Variants in SORL1 observed in about 807,000 individuals in gnomAD.
SORL1 encodes the protein sortilin related receptor 1, also known as sortilin-related receptor.
A neutral mutation model predicts 273.7 loss-of-function variants in SORL1; 127 were observed. The ratio of observed to expected loss-of-function variants is 0.46; its 90% confidence interval spans 0.40 to 0.54. SORL1 has a LOEUF of 0.54. SORL1 is among the 20% of genes least tolerant of loss of function. The probability of loss-of-function intolerance (pLI) is 0.00; values close to 1 mark genes in which losing one functional copy is unlikely to be tolerated. For missense variants in SORL1, 2,494 were observed against 2,846.1 expected, an observed-to-expected ratio of 0.88 and a Z score of 2.81; for synonymous variants, 1,031 against 1,067.4, an observed-to-expected ratio of 0.97 and a Z score of 0.66.
chr11:121,623,190 T>C (rs886486266), intron 45 of SORL1, among the ~76,000 whole-genome samples: 2 of 152,212 alleles, frequency 1.3e-5, no homozygotes, highest in Non-Finnish European at 2.9e-5. Flanking sequence ...CCAGCAGCAG[T>C]AAGCAAAAGG....
chr11:121,612,544 A>T, intron 39 of SORL1, 192 bp from the exon 40 acceptor site: 4 of 469,006 alleles, frequency 8.5e-6, no homozygotes, highest in Non-Finnish European at 1.6e-5. Context: ...AAGTAGGTGG[A>T]GTACAACTAA....
intron 44 of SORL1, 23 bp from the exon 45 acceptor site, chr11:121,622,139 C>A: frequency 7.7e-7 from 1 of 1,296,976 alleles, no homozygotes; most frequent in Non-Finnish European, 1.1e-6. Context: ...CTAACCGCAT[C>A]CCATCTCATC....
intron 1 of SORL1, among the ~76,000 whole-genome samples, chr11:121,468,240 G>C (rs754698601): frequency 1.3e-5 from 2 of 152,114 alleles, no homozygotes; most frequent in African/African-American, 4.8e-5. Flanking sequence ...AGGCTTACTC[G>C]TGGGTGGGGT....
rs1350597098 is a variant in SORL1 at position 121,591,169 on chromosome 11, C to T, written c.4369+13C>T. 20 of 1,613,834 alleles carry T rather than the reference C, an allele frequency of 1.2e-5. No individual in the cohort carries two copies. Among genetic ancestry groups the T allele is most frequent in the Admixed American group, 1.7e-5 (1 of 60,006 alleles). On this transcript the variant is annotated intron_variant, in intron 31 of 47. Coordinates refer to ENST00000260197, the MANE Select transcript of SORL1 (RefSeq NM_003105.6). ...TGCCCCTTGCTTGGTGAGTTCTGGCCCAGGTCCTCTCCTGTGGTACCTGCT... is the reference window on the plus strand; with the variant it reads ...TGCCCCTTGCTTGGTGAGTTCTGGCTCAGGTCCTCTCCTGTGGTACCTGCT...
chr11:121,537,577 T>C (rs1488523055), intron 12 of SORL1, among the ~76,000 whole-genome samples: 3 of 152,188 alleles, frequency 2.0e-5, no homozygotes, highest in Non-Finnish European at 1.5e-5. Flanking sequence ...CCAGCAGGAA[T>C]CTGGACATAT....
chr11:121,575,998 TC>T (rs1376557609), intron 24 of SORL1, among the ~76,000 whole-genome samples: 3 of 152,140 alleles, frequency 2.0e-5, no homozygotes, highest in Non-Finnish European at 1.5e-5. Flanking sequence ...TCCACACTCT[TC>T]CTCAAAAATA....
intron 25 of SORL1, among the ~76,000 whole-genome samples, chr11:121,582,491 T>G (rs1284385470): frequency 6.6e-6 from 1 of 152,282 alleles, no homozygotes; most frequent in African/African-American, 2.4e-5. Flanking sequence ...AACAGCTTTC[T>G]GTTTCAGAGG....
chr11:121,583,610 C>T, intron 26 of SORL1, 27 bp downstream of exon 26: 2 of 1,584,790 alleles, frequency 1.3e-6, no homozygotes, highest in Non-Finnish European at 1.7e-6. Context: ...CAGCTCCCTC[C>T]CTGAGCCTCC....
In SORL1 at chr11:121,607,230, G is replaced by A; in HGVS notation, c.5106G>A (p.Arg1702=). ...RSGSKMWASQ[R]AASNFTEIKN... ...GTTCCAAGATGTGGGCCTCCCAGAG[G>A]GCTGCTAGTAACTTTACAGAAATCA... The change falls in exon 37 of 48, where the codon AGG becomes AGA. Residue 1702 remains arginine, a synonymous_variant. Coordinates refer to ENST00000260197, the MANE Select transcript of SORL1 (RefSeq NM_003105.6). 1 of 1,612,894 alleles carries A rather than the reference G, an allele frequency of 6.2e-7. No homozygotes were observed. Among genetic ancestry groups the A allele is most frequent in the East Asian group, 2.2e-5 (1 of 44,870 alleles).
At chr11:121,543,140 G>A (rs992943532) in intron 12 of SORL1, among the ~76,000 whole-genome samples, 44 of 150,276 alleles carry the variant, frequency 2.9e-4, no homozygotes, top group African/African-American at 1.0e-3. Flanking sequence ...GTAGTGAGCC[G>A]AGATCATGCC....
At chr11:121,565,537 A>C in intron 21 of SORL1, among the ~76,000 whole-genome samples, 1 of 152,210 alleles carries the variant, frequency 6.6e-6, no homozygotes, top group Non-Finnish European at 1.5e-5. Context: ...GCAACAGATG[A>C]TTTGGATATG....
intron 1 of SORL1, among the ~76,000 whole-genome samples, chr11:121,453,433 C>T (rs1860845154): frequency 6.6e-6 from 1 of 152,162 alleles, no homozygotes; most frequent in Non-Finnish European, 1.5e-5. Context: ...AGGTTAGGAT[C>T]AGCACTGGCA....
intron 19 of SORL1, among the ~76,000 whole-genome samples, 181 bp from the exon 20 acceptor site, chr11:121,558,410 A>G (rs1485794458): frequency 6.6e-6 from 1 of 152,182 alleles, no homozygotes; most frequent in Non-Finnish European, 1.5e-5. Context: ...ATTCTAGTAA[A>G]GGAATTTCCA....
chr11:121,495,481 A>C (rs1364320183), intron 5 of SORL1, among the ~76,000 whole-genome samples: 1 of 152,142 alleles, frequency 6.6e-6, no homozygotes, highest in African/African-American at 2.4e-5. Flanking sequence ...CTCTGAAGGA[A>C]TTTGACACGA....
intron 8 of SORL1, among the ~76,000 whole-genome samples, chr11:121,519,642 T>C (rs552870779): frequency 1.3e-5 from 2 of 152,314 alleles, no homozygotes; most frequent in East Asian, 3.9e-4. Flanking sequence ...TGGGCTTCTA[T>C]CTGATCAGGG....
intron 2 of SORL1, among the ~76,000 whole-genome samples, chr11:121,473,807 A>G (rs1369205976): frequency 6.6e-6 from 1 of 152,230 alleles, no homozygotes; most frequent in Non-Finnish European, 1.5e-5. Context: ...AGGCAGGAGA[A>G]TCACTTGAAT....
In SORL1 at chr11:121,591,148, C is replaced by G; in HGVS notation, c.4361C>G (p.Pro1454Arg). 1 of 1,614,084 alleles carries G rather than the reference C, an allele frequency of 6.2e-7. No individual in the cohort carries two copies. The highest frequency in any genetic ancestry group is 2.2e-5 in the East Asian group (1 of 44,876). The change falls in exon 31 of 48, where the codon CCC becomes CGC. Residue 1454 changes from proline to arginine, a missense_variant. Coordinates refer to ENST00000260197, the MANE Select transcript of SORL1 (RefSeq NM_003105.6). ...GATGGCTCTGACGAGGAAGCCTGCC[C>G]CTTGCTTGGTGAGTTCTGGCCCAGG... ...CADGSDEEACPLLANVTAAST... is the reference protein window; with the variant it reads ...CADGSDEEACRLLANVTAAST...
Position 121,625,733 on chromosome 11 carries a change from A to G in SORL1, c.6364+456A>G, listed in dbSNP as rs577599574. 1.4e-4 allele frequency among the ~76,000 whole-genome samples: 22 copies of G among 152,206 alleles called. No individual in the cohort carries two copies. The South Asian group carries it at 4.6e-3, about 32-fold the overall frequency. ...CCGGCTTCATCTTAGCTCTCAGCAT[A>G]AGCTTAGGACTGGAATTTGTCCTGG... On this transcript the variant is annotated intron_variant, in intron 46 of 47. Coordinates refer to ENST00000260197, the MANE Select transcript of SORL1 (RefSeq NM_003105.6).
rs149445303 is a variant in SORL1 at position 121,618,796 on chromosome 11, C to T, written c.5627C>T (p.Thr1876Met). 38 of 1,614,028 alleles carry T rather than the reference C, an allele frequency of 2.4e-5. No individual in the cohort carries two copies. The highest frequency in any genetic ancestry group is 1.6e-4 in the Middle Eastern group (1 of 6,082). ...CAGGTTTATGGTATTTTCTATGCCA[C>T]GTCCTTTCTTGACCTCTATCGCAAC... ...RNVVYGIFYA[T>M]SFLDLYRNPK... The change falls in exon 42 of 48, where the codon ACG (threonine) becomes ATG (methionine). Residue 1876 changes from threonine to methionine, a missense_variant. By Grantham distance (81) the Thr-to-Met change is moderately conservative. Around this residue, in one of 3 missense-constraint regions of SORL1, gnomAD observed 1,609 missense variants for 1,816.4 expected, o/e 0.89. Coordinates refer to ENST00000260197, the MANE Select transcript of SORL1 (RefSeq NM_003105.6).
Sources: allele counts gnomAD v4.1 joint callset (sites outside exome capture counted in the v4.1 genomes callset), GRCh38; gene constraint gnomAD v4.1.1; regional missense constraint gnomAD v4.1.1; transcripts MANE v1.5; gene names NCBI Gene and HGNC (gene_info 2026-07-23, HGNC 2026-07-21).